PPCDC: variants seen among roughly 807,000 people sequenced by gnomAD.
The protein encoded by PPCDC is phosphopantothenoylcysteine decarboxylase.
A neutral mutation model predicts 20.7 loss-of-function variants in PPCDC; 20 were observed. The observed-to-expected ratio is 0.97, with a 90% CI of 0.68 to 1.41. The LOEUF is 1.41. Among genes scored for constraint, PPCDC ranks in the 40% most tolerant of loss-of-function variants. The probability of loss-of-function intolerance (pLI) is 0.00; values close to 1 mark genes in which losing one functional copy is unlikely to be tolerated. For synonymous variants in PPCDC, 88 were observed against 100.3 expected, an observed-to-expected ratio of 0.88 and a Z score of 0.73; for missense variants, 246 against 263.8, an observed-to-expected ratio of 0.93 and a Z score of 0.47.
At chr15:75,030,420 G>A (rs1280206445) in intron 2 of PPCDC, among the ~76,000 whole-genome samples, 1 of 152,260 alleles carries the variant, frequency 6.6e-6, no homozygotes, top group African/African-American at 2.4e-5. Flanking sequence ...CAACCCCACT[G>A]GGAAGAGCCA....
chr15:75,033,157 C>T (rs543857676), intron 2 of PPCDC, among the ~76,000 whole-genome samples: 8 of 152,160 alleles, frequency 5.3e-5, no homozygotes, highest in East Asian at 1.9e-4. Flanking sequence ...TTTTATGACT[C>T]GGAAAAAAAG....
intron 2 of PPCDC, among the ~76,000 whole-genome samples, chr15:75,041,228 C>G (rs754417040): frequency 6.6e-6 from 1 of 152,166 alleles, no homozygotes; most frequent in African/African-American, 2.4e-5. Context: ...GACTGGGTTC[C>G]GGGGAGGGAT....
At chr15:75,038,486 C>T (rs2066111924) in intron 2 of PPCDC, among the ~76,000 whole-genome samples, 1 of 152,192 alleles carries the variant, frequency 6.6e-6, no homozygotes, top group Admixed American at 6.5e-5. Context: ...AATAACTGCT[C>T]AGATACAGCC....
intron 2 of PPCDC, among the ~76,000 whole-genome samples, chr15:75,037,113 A>G (rs967241526): frequency 1.3e-5 from 2 of 152,214 alleles, no homozygotes; most frequent in Admixed American, 1.3e-4. Flanking sequence ...AGAGGCGATG[A>G]ACCTGGGACA....
At chr15:75,031,425 C>G (rs1312298762) in intron 2 of PPCDC, among the ~76,000 whole-genome samples, 1 of 152,120 alleles carries the variant, frequency 6.6e-6, no homozygotes, top group Non-Finnish European at 1.5e-5. Flanking sequence ...GTTCAACTGA[C>G]TTATAAACAA....
rs192765296 is a variant in PPCDC at position 75,041,402 on chromosome 15, G to A, written c.136-2039G>A. Among the ~76,000 whole-genome samples, 33 of 152,304 alleles carry A rather than the reference G, an allele frequency of 2.2e-4. 1 individual carries two copies. The highest frequency in any genetic ancestry group is 7.9e-4 in the African/African-American group (33 of 41,542). ...CCTAGCACTTTGAGAGGCCAAGGTGGGTGGATTGCTTGAGCCTAGGAGTTT... is the reference window on the plus strand; with the variant it reads ...CCTAGCACTTTGAGAGGCCAAGGTGAGTGGATTGCTTGAGCCTAGGAGTTT... On this transcript the variant is annotated intron_variant, in intron 2 of 5. Coordinates refer to ENST00000342932, the MANE Select transcript of PPCDC (RefSeq NM_021823.5).
chr15:75,044,061 G>A (rs1000109652), intron 3 of PPCDC, among the ~76,000 whole-genome samples: 26 of 67,954 alleles, frequency 3.8e-4, no homozygotes, highest in African/African-American at 1.4e-3. Context: ...TCACTGCCCC[G>A]GAGCTTTCCA....
At chr15:75,044,579 C>T in intron 4 of PPCDC, 65 bp downstream of exon 4, 2 of 1,564,820 alleles carry the variant, frequency 1.3e-6, no homozygotes, top group Non-Finnish European at 1.7e-6. Flanking sequence ...GAGCTGCAGA[C>T]ATCCTTGTAC....
At chr15:75,025,460 G>A (rs1595894984) in intron 1 of PPCDC, among the ~76,000 whole-genome samples, 1 of 152,270 alleles carries the variant, frequency 6.6e-6, no homozygotes, top group East Asian at 1.9e-4. Context: ...AGGTATCCCT[G>A]AAACCTAAAA....
intron 2 of PPCDC, among the ~76,000 whole-genome samples, chr15:75,028,747 A>T (rs1235172678): frequency 1.3e-5 from 2 of 152,108 alleles, no homozygotes; most frequent in African/African-American, 4.8e-5. Context: ...GAATCCGTGA[A>T]GTCCTGTGTG....
intron 2 of PPCDC, among the ~76,000 whole-genome samples, chr15:75,042,652 CAAAAAAAA>C (rs768744006): frequency 3.3e-4 from 30 of 89,832 alleles, no homozygotes; most frequent in Admixed American, 1.0e-3. Context: ...GACTCCATCT[CAAAAAAAA>C]AAAAAAAAAA....
chr15:75,039,646 C>T (rs551188433), intron 2 of PPCDC, among the ~76,000 whole-genome samples: 2 of 152,302 alleles, frequency 1.3e-5, no homozygotes, highest in African/African-American at 4.8e-5. Context: ...TTTCTTTTCT[C>T]ATCTAATCTA....
At chr15:75,042,018 C>A (rs2066158929) in intron 2 of PPCDC, among the ~76,000 whole-genome samples, 1 of 152,240 alleles carries the variant, frequency 6.6e-6, no homozygotes, top group Non-Finnish European at 1.5e-5. Flanking sequence ...CAGCGCCTAG[C>A]CTTCAGCTTT....
At chr15:75,037,863 G>T (rs1200002734) in intron 2 of PPCDC, among the ~76,000 whole-genome samples, 1 of 152,098 alleles carries the variant, frequency 6.6e-6, no homozygotes, top group African/African-American at 2.4e-5. Context: ...TTCATCTCCT[G>T]TCCTGGGCAA....
chr15:75,044,157 T>C (rs1183503428), intron 3 of PPCDC, among the ~76,000 whole-genome samples: 2 of 149,040 alleles, frequency 1.3e-5, no homozygotes, highest in South Asian at 4.2e-4. Flanking sequence ...AGCCAAACCA[T>C]GAAGGGAATA....
intron 1 of PPCDC, among the ~76,000 whole-genome samples, chr15:75,027,485 G>C (rs2065971933): frequency 6.6e-6 from 1 of 152,104 alleles, no homozygotes; most frequent in South Asian, 2.1e-4. Context: ...TTGTACGGTG[G>C]TGCCCATCTT....
At chr15:75,030,468 T>C (rs1399066399) in intron 2 of PPCDC, among the ~76,000 whole-genome samples, 1 of 152,238 alleles carries the variant, frequency 6.6e-6, no homozygotes, top group Non-Finnish European at 1.5e-5. Context: ...GGAGGGCCCA[T>C]GCCTTTCATC....
chr15:75,037,077 G>C (rs2066094335), intron 2 of PPCDC, among the ~76,000 whole-genome samples: 1 of 152,194 alleles, frequency 6.6e-6, no homozygotes, highest in African/African-American at 2.4e-5. Flanking sequence ...TAGACCTTCA[G>C]GAAGTAGCTT....
chr15:75,044,234 G>A, intron 3 of PPCDC, 152 bp from the exon 4 acceptor site: 1 of 1,085,248 alleles, frequency 9.2e-7, no homozygotes, highest in Non-Finnish European at 1.3e-6. Flanking sequence ...TCCATGGCTA[G>A]CGCTCGCCAG....
Sources: allele counts gnomAD v4.1 joint callset (sites outside exome capture counted in the v4.1 genomes callset), GRCh38; gene constraint gnomAD v4.1.1; transcripts MANE v1.5; gene names NCBI Gene and HGNC (gene_info 2026-07-23, HGNC 2026-07-21).